REL: variants seen among roughly 807,000 people sequenced by gnomAD.
REL encodes proto-oncogene c-Rel.
REL carries 15 observed loss-of-function variants against 45.9 expected under a neutral mutation model. The observed-to-expected ratio is 0.33, with a 90% CI of 0.22 to 0.50. The LOEUF is 0.50. Ranked by LOEUF, REL falls within the 20% of genes least tolerant of loss-of-function variation. The pLI is 0.98. For synonymous variants in REL, 239 were observed against 242.1 expected, an observed-to-expected ratio of 0.99 and a Z score of 0.12; for missense variants, 601 against 715.2, an observed-to-expected ratio of 0.84 and a Z score of 1.82.
At chr2:60,884,165 G>C (rs529768972) in intron 1 of REL, among the ~76,000 whole-genome samples, 1 of 150,984 alleles carries the variant, frequency 6.6e-6, no homozygotes, top group African/African-American at 2.4e-5. Context: ...TTTGTAGTAA[G>C]GTAGTATTAA....
At chr2:60,917,525 T>A (rs969382856) in intron 5 of REL, among the ~76,000 whole-genome samples, 4 of 143,280 alleles carry the variant, frequency 2.8e-5, no homozygotes, top group Non-Finnish European at 4.6e-5. Flanking sequence ...TATTTTTTTT[T>A]ATTGGTTTTT....
chr2:60,916,531 C>T (rs182472271), intron 4 of REL, among the ~76,000 whole-genome samples: 26 of 152,318 alleles, frequency 1.7e-4, no homozygotes, highest in Admixed American at 1.2e-3. Flanking sequence ...CAAATACATA[C>T]TTGTTGAATG....
chr2:60,926,573 G>A lies in REL; in HGVS notation c.*4038G>A. Reference sequence around the variant, plus strand: ...GAGTCTTGACCCCTCCCCTCAGTTGGTGCTATTTCCCCCTACCCGCCCTCC... The same window carrying A: ...GAGTCTTGACCCCTCCCCTCAGTTGATGCTATTTCCCCCTACCCGCCCTCC... On this transcript the variant is annotated 3_prime_UTR_variant, in exon 10 of 10. Transcript: ENST00000394479. 1 of 231,290 alleles carries A rather than the reference G, an allele frequency of 4.3e-6. No homozygotes were observed. The highest frequency in any genetic ancestry group is 2.2e-5 in the African/African-American group (1 of 45,170). 14.3% of individuals were successfully genotyped at this position (231,290 alleles called of 1,614,324 possible).
rs1350033488 is a variant in REL, at chr2:60,926,967, G to T, written c.*4432G>T. 4.4e-6 allele frequency: 1 copy of T among 226,760 alleles called. No homozygotes were observed. The highest frequency in any genetic ancestry group is 8.8e-6 in the Non-Finnish European group (1 of 114,052). The allele number at this position is 226,760 out of a possible 1,614,324, so 14.0% of individuals were successfully genotyped here. A position where few individuals can be genotyped will look rare whatever the true frequency, so the allele number is the denominator to read the frequency against. ...CCTTGAAAAAAAACAATTCTCTCAG[G>T]CCTCCATACCTTTAGCATGTTACCC... On this transcript the variant is annotated 3_prime_UTR_variant, in exon 10 of 10. Transcript: ENST00000394479.
intron 3 of REL, 151 bp from the exon 4 acceptor site, chr2:60,900,839 ACT>A (rs2103946031): frequency 4.5e-6 from 3 of 663,166 alleles, no homozygotes; most frequent in Non-Finnish European, 7.4e-6. Flanking sequence ...CCCACTTCTT[ACT>A]CTCTCATCTT....
chr2:60,925,750 C>G lies in REL; in HGVS notation c.*3215C>G, dbSNP rs1674252766. 1 of 200,762 alleles carries G rather than the reference C, an allele frequency of 5.0e-6. No homozygotes were observed. The highest frequency in any genetic ancestry group is 2.3e-5 in the African/African-American group (1 of 43,214). The allele number at this position is 200,762 out of a possible 1,614,324, so 12.4% of individuals were successfully genotyped here. A position where few individuals can be genotyped will look rare whatever the true frequency, so the allele number is the denominator to read the frequency against. On this transcript the variant is annotated 3_prime_UTR_variant, in exon 10 of 10. Transcript: ENST00000394479. Reference sequence around the variant, plus strand: ...TAGTTTTGGATTAATTAGCACCAATCAGTTTAAACACTGACTGTTAGAATA... The same window carrying G: ...TAGTTTTGGATTAATTAGCACCAATGAGTTTAAACACTGACTGTTAGAATA...
At chr2:60,919,562 A>G (rs1674075235) in intron 7 of REL, among the ~76,000 whole-genome samples, 1 of 152,000 alleles carries the variant, frequency 6.6e-6, no homozygotes, top group African/African-American at 2.4e-5. Context: ...GGTAGCTGGG[A>G]CTACAGGCAT....
At chr2:60,907,893 C>T (rs1331432740) in intron 4 of REL, among the ~76,000 whole-genome samples, 4 of 151,604 alleles carry the variant, frequency 2.6e-5, no homozygotes, top group African/African-American at 9.7e-5. Flanking sequence ...AGGGTTCCAC[C>T]GTGTTAGCCA....
chr2:60,910,026 T>C (rs1673767901), intron 4 of REL, among the ~76,000 whole-genome samples: 1 of 152,232 alleles, frequency 6.6e-6, no homozygotes. Flanking sequence ...GTAGACATAA[T>C]TGATTTTTAA....
At chr2:60,889,106 C>A (rs13422089) in intron 1 of REL, among the ~76,000 whole-genome samples, 13 of 150,100 alleles carry the variant, frequency 8.7e-5, no homozygotes, top group African/African-American at 3.0e-4. Flanking sequence ...ACTTTTAGTT[C>A]TCTTTTTAAG....
intron 4 of REL, among the ~76,000 whole-genome samples, chr2:60,905,698 A>G (rs1573330425): frequency 6.6e-6 from 1 of 152,114 alleles, no homozygotes; most frequent in South Asian, 2.1e-4. Flanking sequence ...AGCAGGAGTG[A>G]AAGTTTATTA....
chr2:60,917,472 TC>T (rs1166070339), intron 5 of REL, among the ~76,000 whole-genome samples: 3 of 151,890 alleles, frequency 2.0e-5, no homozygotes, highest in Non-Finnish European at 2.9e-5. Flanking sequence ...TCTCATTTTT[TC>T]TTTTTGGCCT....
chr2:60,917,590 T>TG (rs1351410939), intron 5 of REL, among the ~76,000 whole-genome samples: 1 of 146,184 alleles, frequency 6.8e-6, no homozygotes, highest in African/African-American at 2.5e-5. Flanking sequence ...AGTGCAGTGG[T>TG]GCAGTCATGG....
chr2:60,905,517 C>CT (rs1182841655), intron 4 of REL, among the ~76,000 whole-genome samples: 1 of 152,122 alleles, frequency 6.6e-6, no homozygotes, highest in African/African-American at 2.4e-5. Flanking sequence ...TTTGATAGGG[C>CT]TGGTATGGGT....
At chr2:60,897,595 A>G (rs1171894662) in intron 3 of REL, among the ~76,000 whole-genome samples, 4 of 152,102 alleles carry the variant, frequency 2.6e-5, no homozygotes, top group Non-Finnish European at 1.5e-5. Flanking sequence ...GGCATGAGCC[A>G]CCGTGCCTGG....
chr2:60,887,741 T>C (rs759374185), intron 1 of REL, among the ~76,000 whole-genome samples: 1 of 151,026 alleles, frequency 6.6e-6, no homozygotes, highest in African/African-American at 2.4e-5. Flanking sequence ...GCTTCTGCAG[T>C]AGGAAAAATA....
Position 60,926,462 on chromosome 2 carries a change from T to C in REL, c.*3927T>C, listed in dbSNP as rs116710487. 3.7e-4 allele frequency: 85 copies of C among 232,114 alleles called. 1 individual carries two copies. Among genetic ancestry groups the C allele is most frequent in the African/African-American group, 1.6e-3 (73 of 45,366 alleles). 14.4% of individuals were successfully genotyped at this position (232,114 alleles called of 1,614,324 possible). On this transcript the variant is annotated 3_prime_UTR_variant, in exon 10 of 10. Transcript: ENST00000394479. ...TTCAGTCCTCACACTGCTTGACCTATGTATAACCTCCTATACTTCCCTCTT... is the reference window on the plus strand; with the variant it reads ...TTCAGTCCTCACACTGCTTGACCTACGTATAACCTCCTATACTTCCCTCTT...
intron 4 of REL, among the ~76,000 whole-genome samples, 167 bp from the exon 5 acceptor site, chr2:60,916,710 A>T (rs928756009): frequency 7.2e-5 from 11 of 152,244 alleles, no homozygotes; most frequent in African/African-American, 2.7e-4. Flanking sequence ...TGATTACTTG[A>T]TAAGAATGAT....
chr2:60,885,930 T>A (rs548022454), intron 1 of REL, among the ~76,000 whole-genome samples: 1 of 152,372 alleles, frequency 6.6e-6, no homozygotes, highest in African/African-American at 2.4e-5. Context: ...TATCTCTATA[T>A]TGTCATTTTT....
Sources: gnomAD v4.1 joint callset for allele counts (sites outside exome capture counted in the v4.1 genomes callset) on GRCh38, gnomAD v4.1.1 for gene constraint, MANE v1.5 for transcripts, NCBI Gene and HGNC (gene_info 2026-07-23, HGNC 2026-07-21) for gene names.